Variants in SUPT7L observed in about 807,000 individuals in gnomAD.
SUPT7L encodes SPT7 like, STAGA complex subunit gamma, also known as STAGA complex 65 subunit gamma.
A neutral mutation model predicts 35.7 loss-of-function variants in SUPT7L; 15 were observed. The observed-to-expected ratio is 0.42, with a 90% CI of 0.28 to 0.65. SUPT7L has a LOEUF of 0.65. Among genes scored for constraint, SUPT7L ranks in the 30% least tolerant of loss-of-function variants. SUPT7L has a pLI of 0.23. For missense variants in SUPT7L, 434 were observed against 522.2 expected, an observed-to-expected ratio of 0.83 and a Z score of 1.65; for synonymous variants, 168 against 186.2, an observed-to-expected ratio of 0.90 and a Z score of 0.79.
chr2:27,657,261 T>C lies in SUPT7L; in HGVS notation c.744+84A>G, dbSNP rs1674846423. On this transcript the variant is annotated intron_variant, in intron 4 of 5. Transcript: ENST00000337768. The surrounding 1 kb of genome is among the most constrained non-coding windows in gnomAD (Gnocchi z 5.2). The stretch of plus-strand genomic sequence containing the variant: ...TGTTCCAAGACTCTGTGCTCTGCAC[T>C]CTAGACCAAGTGTTGTGGGATCCTG... The C allele has an allele frequency of 6.8e-7, 1 of 1,462,374 alleles. No homozygotes were observed. 90.6% of individuals were successfully genotyped at this position (1,462,374 alleles called of 1,614,324 possible).
At chr2:27,661,461 A>G in intron 2 of SUPT7L, 73 bp from the exon 3 acceptor site, 1 of 1,581,496 alleles carries the variant, frequency 6.3e-7, no homozygotes, top group South Asian at 1.2e-5. Flanking sequence ...TAATGTGTTT[A>G]AATCCTGGCA....
intron 4 of SUPT7L, among the ~76,000 whole-genome samples, chr2:27,655,914 G>A (rs1674786933): frequency 6.6e-6 from 1 of 152,040 alleles, no homozygotes; most frequent in Admixed American, 6.6e-5. Context: ...GCTGGGCACG[G>A]TCATTCACAC....
At chr2:27,646,959 C>T (rs1674263356), downstream of SUPT7L, among the ~76,000 whole-genome samples, 1 of 152,206 alleles carries the variant, frequency 6.6e-6, no homozygotes, top group Non-Finnish European at 1.5e-5. Flanking sequence ...AATGTTAAAA[C>T]TACTGCTGCA....
chr2:27,653,866 A>G, intron 5 of SUPT7L, 119 bp from the exon 6 acceptor site: 7 of 1,293,026 alleles, frequency 5.4e-6, no homozygotes, highest in Non-Finnish European at 5.4e-6. Flanking sequence ...TTTCACTCTG[A>G]TTCTGTACTT....
In SUPT7L at chr2:27,663,400, G is replaced by A. The variant is rs772599486; in HGVS notation, c.-161C>T. The A allele has an allele frequency of 2.6e-5, 6 of 228,242 alleles. No homozygotes were observed. The highest frequency in any genetic ancestry group is 3.5e-5 in the Non-Finnish European group (4 of 113,128). The allele number at this position is 228,242 out of a possible 1,614,324, so 14.1% of individuals were successfully genotyped here. A position where few individuals can be genotyped will look rare whatever the true frequency, so the allele number is the denominator to read the frequency against. On this transcript the variant is annotated 5_prime_UTR_variant, in exon 1 of 6. Coordinates refer to ENST00000337768, the MANE Select transcript of SUPT7L (RefSeq NM_014860.3). ...TCCCTCCAGGGGTTTCCTCGGTCAC[G>A]GTCCGCCGGCGCAGGCGCCAATCAC... is the stretch of plus-strand genomic sequence containing the variant.
At chr2:27,661,706 C>T in intron 2 of SUPT7L, 1 of 1,010,602 alleles carries the variant, frequency 9.9e-7, no homozygotes, top group Non-Finnish European at 1.3e-6. Context: ...CATTAGTGGA[C>T]CAATAGCTAC....
the SUPT7L span, among the ~76,000 whole-genome samples, chr2:27,645,262 TC>T: frequency 1.3e-5 from 2 of 152,080 alleles, no homozygotes; most frequent in Non-Finnish European, 2.9e-5. Context: ...TAAGCCACCA[TC>T]CCCAGCCCAT....
the SUPT7L span, among the ~76,000 whole-genome samples, chr2:27,644,943 T>G: frequency 9.5e-4 from 144 of 152,146 alleles, 2 homozygotes; most frequent in East Asian, 0.02. Flanking sequence ...TTGAGTATAC[T>G]TCTATATTAT....
chr2:27,647,978 G>C, downstream of SUPT7L: 1 of 1,153,066 alleles, frequency 8.7e-7, no homozygotes, highest in African/African-American at 1.5e-5. Flanking sequence ...TGGCAACAGA[G>C]CATCTGCTTA....
chr2:27,651,686 G>A lies in SUPT7L; in HGVS notation c.*1799C>T, dbSNP rs1344691637. 1 of 152,186 alleles carries A rather than the reference G, an allele frequency of 6.6e-6. No homozygotes were observed. Among genetic ancestry groups the A allele is most frequent in the Non-Finnish European group, 1.5e-5 (1 of 68,030 alleles). 9.4% of individuals were successfully genotyped at this position (152,186 alleles called of 1,614,324 possible). ...CTTCCTTATGCTTCAAGCTCCAAAA[G>A]GGTAAGGAAGAAGTCTTAATCATTT... On this transcript the variant is annotated 3_prime_UTR_variant, in exon 6 of 6. Coordinates refer to ENST00000337768, the MANE Select transcript of SUPT7L (RefSeq NM_014860.3).
At chr2:27,662,426 A>G (rs1297556676) in intron 1 of SUPT7L, 145 bp from the exon 2 acceptor site, 1 of 507,114 alleles carries the variant, frequency 2.0e-6, no homozygotes, top group South Asian at 2.6e-5. Context: ...TAACAACATT[A>G]TACTACTCAG....
rs1675101564 is a variant in SUPT7L at position 27,661,365 on chromosome 2, G to T, written c.38C>A (p.Ser13Ter). The T allele has an allele frequency of 6.2e-7, 1 of 1,613,954 alleles. No individual in the cohort carries two copies. The highest frequency in any genetic ancestry group is 8.5e-7 in the Non-Finnish European group (1 of 1,180,038). Residue 13 changes from serine (S) to a stop codon, truncating the protein, a stop_gained, in exon 3 of 6, where the codon TCA (serine) becomes TAA (stop). Transcript: ENST00000337768. LOFTEE classifies it high-confidence loss of function. ...LQRYWGEIPI[S>*]SSQTNRSSFD... ...GGAACTTCTGTTGGTCTGGCTTGATGATATTGGTATCTCTCCCCAGTATCT... is the reference window on the plus strand; with the variant it reads ...GGAACTTCTGTTGGTCTGGCTTGATTATATTGGTATCTCTCCCCAGTATCT...
chr2:27,644,235 A>G, the SUPT7L span, among the ~76,000 whole-genome samples: 1 of 152,172 alleles, frequency 6.6e-6, no homozygotes, highest in Non-Finnish European at 1.5e-5. Context: ...TCTGTTTGTA[A>G]TAAGAATTTT....
downstream of SUPT7L, among the ~76,000 whole-genome samples, chr2:27,648,229 A>C (rs892438145): frequency 1.3e-5 from 2 of 152,160 alleles, no homozygotes; most frequent in African/African-American, 4.8e-5. Context: ...TGTTTTAAGA[A>C]TATGTAAGGG....
the SUPT7L span, among the ~76,000 whole-genome samples, chr2:27,645,497 T>G: frequency 2.6e-5 from 4 of 152,154 alleles, no homozygotes; most frequent in Non-Finnish European, 5.9e-5. Context: ...TACATTATAT[T>G]CATAATTAAT....
At chr2:27,660,928 AG>A in intron 3 of SUPT7L, 55 bp downstream of exon 3, 1 of 1,550,396 alleles carries the variant, frequency 6.4e-7, no homozygotes, top group Non-Finnish European at 8.7e-7. Context: ...TAGGCTTAAC[AG>A]GGTTGTTGGG....
At chr2:27,648,228 A>G (rs566600479), downstream of SUPT7L, among the ~76,000 whole-genome samples, 1 of 152,246 alleles carries the variant, frequency 6.6e-6, no homozygotes, top group South Asian at 2.1e-4. Context: ...TTGTTTTAAG[A>G]ATATGTAAGG....
In SUPT7L at chr2:27,657,284, C is replaced by T; in HGVS notation, c.744+61G>A. On this transcript the variant is annotated intron_variant, in intron 4 of 5. Transcript: ENST00000337768. This position sits in a 1 kb window ranked among gnomAD's most constrained non-coding sequence, Gnocchi z 5.2. ...ACTCTAGACCAAGTGTTGTGGGATC[C>T]TGCTGAACACTCCGAGATTGCACAG... 1 of 1,555,542 alleles carries T rather than the reference C, an allele frequency of 6.4e-7. No homozygotes were observed. Among genetic ancestry groups the T allele is most frequent in the Non-Finnish European group, 8.7e-7 (1 of 1,142,966 alleles).
Position 27,657,710 on chromosome 2 carries a change from A to G in SUPT7L, c.420-41T>C. On this transcript the variant is annotated intron_variant, in intron 3 of 5. Coordinates refer to ENST00000337768, the MANE Select transcript of SUPT7L (RefSeq NM_014860.3). This position sits in a 1 kb window ranked among gnomAD's most constrained non-coding sequence, Gnocchi z 5.2. ...CGGTGGTGTTATTAATGTTCTTGCA[A>G]AGGGGTGACCCCTCCTGTCTTCCCC... The G allele has an allele frequency of 6.4e-7, 1 of 1,562,292 alleles. No individual in the cohort carries two copies. The highest frequency in any genetic ancestry group is 2.3e-5 in the East Asian group (1 of 44,090).
Sources: gnomAD v4.1 joint callset for allele counts (sites outside exome capture counted in the v4.1 genomes callset) on GRCh38, gnomAD v4.1.1 for gene constraint, Gnocchi (gnomAD v3.1) non-coding constraint, MANE v1.5 for transcripts, NCBI Gene and HGNC (gene_info 2026-07-23, HGNC 2026-07-21) for gene names.